SLC2A13: variants seen among roughly 807,000 people sequenced by gnomAD.
SLC2A13 encodes proton myo-inositol cotransporter.
Under a neutral mutation model 64.4 loss-of-function variants are expected in SLC2A13, and 32 were observed. The ratio of observed to expected loss-of-function variants is 0.50; its 90% CI spans 0.37 to 0.67. The LOEUF (loss-of-function observed/expected upper bound fraction) is 0.67, where lower values mean the gene tolerates loss of function less well. SLC2A13 is among the 30% of genes least tolerant of loss of function. The pLI is 0.00. For missense variants in SLC2A13, 743 were observed against 829.2 expected (o/e 0.90, Z 1.28); for synonymous variants, 338 against 327.1 (o/e 1.03, Z -0.36).
chr12:39,776,001 C>G (rs1043841638), intron 7 of SLC2A13, among the ~76,000 whole-genome samples: 7 of 152,174 alleles, frequency 4.6e-5, no homozygotes, highest in Admixed American at 3.9e-4. Flanking sequence ...ATTTTTGGAT[C>G]AGGAATACTG....
At chr12:39,953,616 A>C (rs561545784) in intron 3 of SLC2A13, among the ~76,000 whole-genome samples, 2 of 152,328 alleles carry the variant, frequency 1.3e-5, no homozygotes, top group African/African-American at 2.4e-5. Flanking sequence ...TGTAATTAAA[A>C]ATGTTTTGTG....
intron 4 of SLC2A13, among the ~76,000 whole-genome samples, chr12:39,917,528 C>T (rs1945541049): frequency 6.6e-6 from 1 of 152,008 alleles, no homozygotes; most frequent in Admixed American, 6.6e-5. Flanking sequence ...GATTGCCCTC[C>T]ATGGTGGGCA....
At chr12:39,820,717 TTATATATATA>T (rs11272834) in intron 7 of SLC2A13, among the ~76,000 whole-genome samples, 71 of 132,576 alleles carry the variant, frequency 5.4e-4, no homozygotes, top group Non-Finnish European at 5.5e-4. Flanking sequence ...ATTTTTAAAT[TTATATATATA>T]TATATATATA....
intron 4 of SLC2A13, among the ~76,000 whole-genome samples, chr12:39,927,001 C>A (rs1446359388): frequency 6.6e-6 from 1 of 152,144 alleles, no homozygotes; most frequent in Non-Finnish European, 1.5e-5. Flanking sequence ...AAAAGCTGGA[C>A]AATTGATAAA....
chr12:39,915,124 T>TAA (rs139484625), intron 4 of SLC2A13, among the ~76,000 whole-genome samples: 12 of 151,932 alleles, frequency 7.9e-5, no homozygotes, highest in Non-Finnish European at 1.6e-4. Context: ...TTAAAAGAAT[T>TAA]AAAAGTGCAT....
chr12:40,035,520 A>G (rs1947969849), intron 2 of SLC2A13, among the ~76,000 whole-genome samples: 1 of 152,208 alleles, frequency 6.6e-6, no homozygotes, highest in Admixed American at 6.5e-5. Flanking sequence ...GATGACTGAT[A>G]CACTTGATAA....
At chr12:40,016,124 G>A (rs1947616546) in intron 3 of SLC2A13, among the ~76,000 whole-genome samples, 1 of 151,986 alleles carries the variant, frequency 6.6e-6, no homozygotes, top group Non-Finnish European at 1.5e-5. Context: ...TCACCTGCAT[G>A]GTTATGCAGC....
chr12:39,785,180 A>T (rs747848878), intron 7 of SLC2A13, among the ~76,000 whole-genome samples: 1 of 152,142 alleles, frequency 6.6e-6, no homozygotes, highest in Non-Finnish European at 1.5e-5. Flanking sequence ...AGCCCCTCCC[A>T]TCACAGGACC....
chr12:39,994,202 G>C (rs1358945471), intron 3 of SLC2A13, among the ~76,000 whole-genome samples: 1 of 151,850 alleles, frequency 6.6e-6, no homozygotes, highest in Non-Finnish European at 1.5e-5. Context: ...ATCCTGGACA[G>C]TGAAACCCCA....
intron 1 of SLC2A13, among the ~76,000 whole-genome samples, chr12:40,055,583 T>C (rs572414730): frequency 1.3e-5 from 2 of 152,328 alleles, no homozygotes; most frequent in East Asian, 3.9e-4. Flanking sequence ...TATTGATTAA[T>C]AAAAAGTTAT....
intron 7 of SLC2A13, among the ~76,000 whole-genome samples, chr12:39,809,761 GT>G (rs1184911949): frequency 7.9e-5 from 12 of 151,968 alleles, no homozygotes; most frequent in Admixed American, 5.2e-4. Context: ...GCGGTGTTTG[GT>G]TTTTTTGTCC....
chr12:39,946,685 G>A (rs140654934), intron 4 of SLC2A13, among the ~76,000 whole-genome samples: 6 of 152,276 alleles, frequency 3.9e-5, no homozygotes, highest in East Asian at 3.9e-4. Context: ...TCACGCAAAC[G>A]GAAGAGCCGG....
intron 3 of SLC2A13, among the ~76,000 whole-genome samples, chr12:39,999,300 G>T (rs931548328): frequency 6.6e-6 from 1 of 152,082 alleles, no homozygotes; most frequent in Non-Finnish European, 1.5e-5. Context: ...CTGCCCGCGG[G>T]GTCAGGCAAA....
intron 3 of SLC2A13, among the ~76,000 whole-genome samples, chr12:39,985,193 C>T (rs529116225): frequency 3.3e-5 from 5 of 152,186 alleles, no homozygotes; most frequent in Admixed American, 1.3e-4. Flanking sequence ...TCATGATTAT[C>T]GCAATTTTGT....
At chr12:39,993,231 A>G (rs549865006) in intron 3 of SLC2A13, among the ~76,000 whole-genome samples, 47 of 152,252 alleles carry the variant, frequency 3.1e-4, no homozygotes, top group Non-Finnish European at 1.2e-4. Flanking sequence ...AGCAATGACT[A>G]TTCAAGAAAT....
chr12:39,974,868 AAACTTAC>A, intron 3 of SLC2A13, among the ~76,000 whole-genome samples: 1 of 152,222 alleles, frequency 6.6e-6, no homozygotes, highest in Non-Finnish European at 1.5e-5. Context: ...TTTTCACAGA[AAACTTAC>A]AGGCAAAATT....
intron 7 of SLC2A13, among the ~76,000 whole-genome samples, chr12:39,773,552 G>C (rs1243685836): frequency 6.6e-6 from 1 of 152,164 alleles, no homozygotes; most frequent in Non-Finnish European, 1.5e-5. Flanking sequence ...TTTATCTTTA[G>C]AGTTTCAAAC....
At chr12:39,975,347 A>C (rs1249909338) in intron 3 of SLC2A13, among the ~76,000 whole-genome samples, 1 of 152,238 alleles carries the variant, frequency 6.6e-6, no homozygotes, top group Non-Finnish European at 1.5e-5. Context: ...AGACCAACTA[A>C]ATATTTTAAC....
At chr12:39,808,203 T>C (rs1008571117) in intron 7 of SLC2A13, among the ~76,000 whole-genome samples, 10 of 152,130 alleles carry the variant, frequency 6.6e-5, no homozygotes, top group African/African-American at 2.4e-4. Context: ...ACTTGTACAG[T>C]ATATATTGTT....
Sources: gnomAD v4.1 joint callset for allele counts (sites outside exome capture counted in the v4.1 genomes callset) on GRCh38, gnomAD v4.1.1 for gene constraint, MANE v1.5 for transcripts, NCBI Gene and HGNC (gene_info 2026-07-23, HGNC 2026-07-21) for gene names.